KCNMA1: variants seen among roughly 807,000 people sequenced by gnomAD.
KCNMA1 encodes the protein Calcium-activated potassium channel subunit alpha-1.
KCNMA1 carries 29 observed loss-of-function variants against 140.0 expected under a neutral mutation model. That is an observed-to-expected ratio of 0.21 (90% CI 0.15 to 0.28). The LOEUF is 0.28. Ranked by LOEUF, KCNMA1 falls within the 10% of genes least tolerant of loss-of-function variation. KCNMA1 has a pLI of 1.00. For synonymous variants in KCNMA1, 612 were observed against 611.9 expected, an observed-to-expected ratio of 1.00 and a Z score of 0.00; for missense variants, 880 against 1,602.2, an observed-to-expected ratio of 0.55 and a Z score of 7.70.
At chr10:77,555,096 G>A (rs1567518676) in intron 1 of KCNMA1, among the ~76,000 whole-genome samples, 1 of 142,998 alleles carries the variant, frequency 7.0e-6, no homozygotes, top group African/African-American at 2.7e-5. Context: ...CGCATCAGAT[G>A]AAGAACTTCC....
At chr10:76,929,149 A>T (rs1015770299) in intron 23 of KCNMA1, among the ~76,000 whole-genome samples, 1 of 152,220 alleles carries the variant, frequency 6.6e-6, no homozygotes, top group African/African-American at 2.4e-5. Context: ...TCCTTTGGAA[A>T]TATGGAATAG....
intron 1 of KCNMA1, among the ~76,000 whole-genome samples, chr10:77,536,781 T>C (rs979758399): frequency 3.3e-5 from 5 of 152,180 alleles, no homozygotes; most frequent in African/African-American, 1.2e-4. Context: ...CTAAACACCA[T>C]AGTGCACCCT....
In KCNMA1 at chr10:77,040,385, A is replaced by T. The variant is rs75886543; in HGVS notation, c.1750-748T>A. 2.4e-4 allele frequency among the ~76,000 whole-genome samples: 37 copies of T among 152,318 alleles called. No individual in the cohort carries two copies. In the East Asian group the frequency reaches 7.1e-3, roughly 29 times the overall value. Reference sequence around the variant, plus strand: ...CAGAGGTAAAAAAATATACAAGAACATCCTTTCTATTCATGAAAAATGGGA... The same window carrying T: ...CAGAGGTAAAAAAATATACAAGAACTTCCTTTCTATTCATGAAAAATGGGA... On this transcript the variant is annotated intron_variant, in intron 14 of 27. Transcript: ENST00000286628.
At position 76,983,811 on chromosome 10, in the gene KCNMA1, C is replaced by T. The variant is rs185602373; in HGVS notation, c.2267-13744G>A. 5.3e-5 allele frequency among the ~76,000 whole-genome samples: 8 copies of T among 151,844 alleles called. 2 individuals carry two copies. Among genetic ancestry groups the T allele is most frequent in the African/African-American group, 1.9e-4 (8 of 41,416 alleles). On this transcript the variant is annotated intron_variant, in intron 19 of 27. Coordinates refer to ENST00000286628, the MANE Select transcript of KCNMA1 (RefSeq NM_001161352.2). ...TCCTGAGACATATTTCAATTCTCCC[C>T]TTCTGTAACCTCAATAAATTCATTT... is the stretch of plus-strand genomic sequence containing the variant.
chr10:77,308,456 C>T (rs151023223), intron 2 of KCNMA1, among the ~76,000 whole-genome samples: 342 of 152,336 alleles, frequency 2.2e-3, no homozygotes, highest in Non-Finnish European at 4.1e-3. Context: ...CCCCTGCTCT[C>T]TTGCCCTCAA....
intron 2 of KCNMA1, among the ~76,000 whole-genome samples, chr10:77,314,802 C>T (rs943503314): frequency 3.3e-5 from 5 of 152,048 alleles, no homozygotes; most frequent in African/African-American, 1.2e-4. Flanking sequence ...TTTCATCATC[C>T]CTGCCCTCTC....
chr10:77,628,427 G>A (rs146693220), intron 1 of KCNMA1, among the ~76,000 whole-genome samples: 2,894 of 152,232 alleles, frequency 0.019, 94 homozygotes, highest in African/African-American at 0.066. Context: ...AGGCCAAGGC[G>A]GGTGGATCAT....
At position 77,062,745 on chromosome 10, in the gene KCNMA1, G is replaced by C. The variant is rs112858266; in HGVS notation, c.1749+10352C>G. 1.2e-3 allele frequency among the ~76,000 whole-genome samples: 187 copies of C among 152,290 alleles called. 1 individual carries two copies. Among genetic ancestry groups the C allele is most frequent in the African/African-American group, 4.3e-3 (177 of 41,552 alleles). ...TTTTTCATGGTTGAGGGGAAACCTA[G>C]GATAAGCTCATTTTACAAATGTTGC... On this transcript the variant is annotated intron_variant, in intron 14 of 27. Coordinates refer to ENST00000286628, the MANE Select transcript of KCNMA1 (RefSeq NM_001161352.2).
At chr10:77,324,285 A>G (rs536619722) in intron 2 of KCNMA1, among the ~76,000 whole-genome samples, 2 of 152,260 alleles carry the variant, frequency 1.3e-5, no homozygotes, top group African/African-American at 4.8e-5. Flanking sequence ...TTCCCAGCTG[A>G]AAACATTCTT....
At chr10:77,454,669 T>C (rs1320921967) in intron 1 of KCNMA1, among the ~76,000 whole-genome samples, 1 of 152,230 alleles carries the variant, frequency 6.6e-6, no homozygotes. Context: ...TGCTCTCTTC[T>C]TCAGATGCCC....
chr10:77,584,285 G>C lies in KCNMA1; in HGVS notation c.378+52980C>G, dbSNP rs574345575. Among the ~76,000 whole-genome samples, 80 of 152,302 alleles carry C rather than the reference G, an allele frequency of 5.3e-4. 1 individual carries two copies. Among genetic ancestry groups the C allele is most frequent in the Non-Finnish European group, 1.0e-3 (71 of 68,024 alleles). ...CAAGCACCAACAATCCAACATATACGTAAGACTTGTGGGAAGCCCTTATTT... is the reference window on the plus strand; with the variant it reads ...CAAGCACCAACAATCCAACATATACCTAAGACTTGTGGGAAGCCCTTATTT... On this transcript the variant is annotated intron_variant, in intron 1 of 27. Transcript: ENST00000286628.
chr10:77,257,768 T>C (rs1286138675), intron 2 of KCNMA1, among the ~76,000 whole-genome samples: 4 of 152,170 alleles, frequency 2.6e-5, no homozygotes, highest in Non-Finnish European at 4.4e-5. Context: ...CAGATGGTTT[T>C]ATAAAGGGGA....
intron 5 of KCNMA1, among the ~76,000 whole-genome samples, chr10:77,154,607 G>A (rs953608628): frequency 1.3e-5 from 2 of 152,018 alleles, no homozygotes; most frequent in African/African-American, 2.4e-5. Context: ...CTACAGGTAG[G>A]TACCTTAATA....
intron 3 of KCNMA1, among the ~76,000 whole-genome samples, chr10:77,218,859 G>T (rs2048652358): frequency 6.6e-6 from 1 of 151,992 alleles, no homozygotes; most frequent in Non-Finnish European, 1.5e-5. Flanking sequence ...GCTAATTTTT[G>T]TTTTTTGGGT....
intron 25 of KCNMA1, among the ~76,000 whole-genome samples, chr10:76,896,862 A>G (rs921021247): frequency 6.6e-6 from 1 of 150,918 alleles, no homozygotes. Flanking sequence ...GAATATGCTA[A>G]AAAAAAAACC....
chr10:77,556,865 C>T (rs752829297), intron 1 of KCNMA1, among the ~76,000 whole-genome samples: 23 of 152,158 alleles, frequency 1.5e-4, no homozygotes, highest in Admixed American at 3.9e-4. Flanking sequence ...CTCCAGCCTC[C>T]GGCCCATCAA....
chr10:77,540,878 G>A (rs548924746), intron 1 of KCNMA1, among the ~76,000 whole-genome samples: 16 of 152,140 alleles, frequency 1.1e-4, no homozygotes, highest in South Asian at 2.1e-4. Flanking sequence ...GGTGGTGCAC[G>A]CCTGTAATCC....
intron 1 of KCNMA1, among the ~76,000 whole-genome samples, chr10:77,491,714 TACACACACACACAC>T (rs3071912): frequency 0.11 from 15,587 of 145,518 alleles, 1,116 homozygotes; most frequent in African/African-American, 0.18. Flanking sequence ...TTAGAAGTCA[TACACACACACACAC>T]ACACACACAC....
At chr10:77,452,991 G>C (rs2097691471) in intron 1 of KCNMA1, among the ~76,000 whole-genome samples, 2 of 152,144 alleles carry the variant, frequency 1.3e-5, no homozygotes, top group African/African-American at 4.8e-5. Flanking sequence ...AGGGATGGGG[G>C]TACCTAGCTG....
Sources: allele counts gnomAD v4.1 joint callset (sites outside exome capture counted in the v4.1 genomes callset), GRCh38; gene constraint gnomAD v4.1.1; transcripts MANE v1.5; gene names NCBI Gene and HGNC (gene_info 2026-07-23, HGNC 2026-07-21).